SLC35F4: variants seen among roughly 807,000 people sequenced by gnomAD.
SLC35F4 encodes the protein chromosome 14 open reading frame 36.
SLC35F4 carries 24 observed loss-of-function variants against 44.2 expected under a neutral mutation model. The observed-to-expected ratio is 0.54, with a 90% CI of 0.39 to 0.76. The LOEUF (loss-of-function observed/expected upper bound fraction) is 0.76, where lower values mean the gene tolerates loss of function less well. SLC35F4 is among the 30% of genes least tolerant of loss of function. The pLI, the probability that SLC35F4 is intolerant of heterozygous loss-of-function variation, is 0.00. For synonymous variants in SLC35F4, 238 were observed against 223.6 expected (o/e 1.06, Z -0.57); for missense variants, 562 against 586.1 (o/e 0.96, Z 0.42).
At chr14:57,954,948 TAAAAAAAAAAA>T (rs35919238) in intron 1 of SLC35F4, among the ~76,000 whole-genome samples, 1 of 107,104 alleles carries the variant, frequency 9.3e-6, no homozygotes, top group Non-Finnish European at 2.0e-5. Context: ...TCATCCTGAT[TAAAAAAAAAAA>T]AAAAAAAAAA....
At chr14:57,859,214 G>T (rs1432673991) in intron 1 of SLC35F4, among the ~76,000 whole-genome samples, 1 of 152,076 alleles carries the variant, frequency 6.6e-6, no homozygotes, top group South Asian at 2.1e-4. Flanking sequence ...AGTGATTGGC[G>T]AAGTAGATTA....
chr14:57,814,548 C>T (rs1431193014), intron 1 of SLC35F4, among the ~76,000 whole-genome samples: 1 of 152,246 alleles, frequency 6.6e-6, no homozygotes, highest in Admixed American at 6.5e-5. Context: ...TCATTCCTAA[C>T]AGTAGTTTTC....
intron 1 of SLC35F4, among the ~76,000 whole-genome samples, chr14:57,917,932 T>C (rs930870287): frequency 6.6e-6 from 1 of 152,174 alleles, no homozygotes; most frequent in Admixed American, 6.6e-5. Context: ...TCCTCACCTT[T>C]AGCTGTGACA....
downstream of SLC35F4, among the ~76,000 whole-genome samples, chr14:57,972,749 G>A (rs1267634028): frequency 1.3e-5 from 2 of 152,180 alleles, no homozygotes; most frequent in Non-Finnish European, 2.9e-5. Context: ...AGCCAGGCAG[G>A]AGAGTGAGAG....
At chr14:57,872,024 A>G (rs566374146) in intron 1 of SLC35F4, among the ~76,000 whole-genome samples, 1 of 152,372 alleles carries the variant, frequency 6.6e-6, no homozygotes, top group East Asian at 1.9e-4. Context: ...AAGACAAAAC[A>G]AATTGTTGGA....
At chr14:57,745,908 A>AC (rs1427363131) in intron 1 of SLC35F4, among the ~76,000 whole-genome samples, 1 of 152,212 alleles carries the variant, frequency 6.6e-6, no homozygotes, top group Non-Finnish European at 1.5e-5. Flanking sequence ...GCAGCCATAA[A>AC]AAGGATGAGT....
chr14:57,667,560 T>C (rs1395009496), intron 1 of SLC35F4, among the ~76,000 whole-genome samples: 4 of 146,480 alleles, frequency 2.7e-5, no homozygotes, highest in African/African-American at 1.0e-4. Context: ...GTTCAATTCC[T>C]ACCTATGAGT....
chr14:57,623,819 A>G (rs561897604), intron 1 of SLC35F4, among the ~76,000 whole-genome samples: 2 of 152,386 alleles, frequency 1.3e-5, no homozygotes, highest in African/African-American at 4.8e-5. Context: ...TGGGAAATTT[A>G]TAGCACTAAA....
intron 1 of SLC35F4, among the ~76,000 whole-genome samples, chr14:57,631,452 T>C (rs1470604649): frequency 2.0e-5 from 3 of 152,146 alleles, no homozygotes; most frequent in Non-Finnish European, 4.4e-5. Context: ...CTTAGTTTTC[T>C]TACAGCTGTT....
intron 1 of SLC35F4, among the ~76,000 whole-genome samples, chr14:57,822,660 G>A (rs961509460): frequency 6.6e-6 from 1 of 152,090 alleles, no homozygotes; most frequent in Non-Finnish European, 1.5e-5. Context: ...AAAAAGCAGT[G>A]GATCTTCTGC....
intron 1 of SLC35F4, among the ~76,000 whole-genome samples, chr14:57,744,900 C>T (rs1485088048): frequency 2.0e-5 from 3 of 152,112 alleles, no homozygotes; most frequent in African/African-American, 4.8e-5. Flanking sequence ...GAGATATAGA[C>T]CAATGGAACA....
At chr14:57,738,741 G>C (rs2076527020) in intron 1 of SLC35F4, among the ~76,000 whole-genome samples, 1 of 89,776 alleles carries the variant, frequency 1.1e-5, no homozygotes, top group Non-Finnish European at 2.1e-5. Context: ...CATAATATTT[G>C]AATTTTCATA....
intron 1 of SLC35F4, among the ~76,000 whole-genome samples, chr14:57,784,829 C>G (rs2077717379): frequency 6.6e-6 from 1 of 152,288 alleles, no homozygotes; most frequent in South Asian, 2.1e-4. Context: ...ATACCAACCC[C>G]TCCTTGTCCT....
chr14:57,947,087 C>A (rs961122645), intron 1 of SLC35F4, among the ~76,000 whole-genome samples: 1 of 151,234 alleles, frequency 6.6e-6, no homozygotes, highest in African/African-American at 2.4e-5. Flanking sequence ...GTTATTTTCA[C>A]GATATTGATT....
intron 1 of SLC35F4, among the ~76,000 whole-genome samples, chr14:57,924,775 CCTTT>C (rs929342530): frequency 3.2e-4 from 49 of 151,824 alleles, no homozygotes; most frequent in South Asian, 1.2e-3. Flanking sequence ...TTCCTTCCTT[CCTTT>C]CTTTCTTTTT....
intron 4 of SLC35F4, among the ~76,000 whole-genome samples, chr14:57,572,393 C>A (rs2068558802): frequency 6.6e-6 from 1 of 152,100 alleles, no homozygotes. Context: ...TGTATTTCAT[C>A]TATTCTTTTT....
At position 57,811,257 on chromosome 14, in the gene SLC35F4, T is replaced by G. The variant is rs142854694; in HGVS notation, c.103+54466A>C. On this transcript the variant is annotated intron_variant, in intron 1 of 7. Transcript: ENST00000556826. ...AGGTAGAGTGGAAAGATGAAGCATT[T>G]CAGTGTGAGCTCATGTTCAGAATCT... 7.9e-5 allele frequency among the ~76,000 whole-genome samples: 12 copies of G among 152,334 alleles called. No homozygotes were observed. In the East Asian group the frequency reaches 2.3e-3, roughly 29 times the overall value.
At chr14:57,864,258 A>T (rs1887932863) in intron 1 of SLC35F4, among the ~76,000 whole-genome samples, 1 of 152,236 alleles carries the variant, frequency 6.6e-6, no homozygotes, top group Non-Finnish European at 1.5e-5. Flanking sequence ...CCAGGGTTAA[A>T]AAAGAAATCC....
chr14:57,773,401 A>G (rs1007619044), intron 1 of SLC35F4, among the ~76,000 whole-genome samples: 4 of 152,212 alleles, frequency 2.6e-5, no homozygotes, highest in Admixed American at 2.0e-4. Flanking sequence ...TTCCATTGAG[A>G]TCTTACAGTT....
Sources: gnomAD v4.1 joint callset for allele counts (sites outside exome capture counted in the v4.1 genomes callset) on GRCh38, gnomAD v4.1.1 for gene constraint, MANE v1.5 for transcripts, NCBI Gene and HGNC (gene_info 2026-07-23, HGNC 2026-07-21) for gene names.